The following SORCS3 variants were observed in gnomAD, a reference collection of about 807,000 sequenced individuals.
SORCS3 encodes sortilin related VPS10 domain containing receptor 3.
Under a neutral mutation model 146.3 loss-of-function variants are expected in SORCS3, and 57 were observed. The observed-to-expected ratio is 0.39, with a 90% CI of 0.31 to 0.49. SORCS3 has a LOEUF of 0.49. SORCS3 is among the 20% of genes least tolerant of loss of function. SORCS3 has a pLI of 0.92. For missense variants in SORCS3, 1,341 were observed against 1,575.5 expected (o/e 0.85, Z 2.52); for synonymous variants, 653 against 618.5 (o/e 1.06, Z -0.83).
At chr10:104,731,233 C>T (rs185579688) in intron 1 of SORCS3, among the ~76,000 whole-genome samples, 28 of 152,320 alleles carry the variant, frequency 1.8e-4, no homozygotes, top group Non-Finnish European at 3.5e-4. Context: ...ACCCTCCATT[C>T]ATTCACATAT....
chr10:104,650,596 G>C lies in SORCS3; in HGVS notation c.627+8642G>C, dbSNP rs971169675. ...TCAGCTGGAAGTGATGCTTAGGCTA[G>C]GTTCTCCCATTGCTTCTGTATTTCC... On this transcript the variant is annotated intron_variant, in intron 1 of 26. Coordinates refer to ENST00000369701, the MANE Select transcript of SORCS3 (RefSeq NM_014978.3). Among the ~76,000 whole-genome samples the C allele has an allele frequency of 1.7e-4, 26 of 152,340 alleles. 1 individual carries two copies. The highest frequency in any genetic ancestry group is 3.4e-3 in the Middle Eastern group (1 of 292).
intron 5 of SORCS3, among the ~76,000 whole-genome samples, chr10:105,046,900 C>T (rs1418873): frequency 0.12 from 18,536 of 152,092 alleles, 1,520 homozygotes; most frequent in Middle Eastern, 0.19. Flanking sequence ...ACTTTTTTAA[C>T]CTCAGCTGCT....
At chr10:105,098,778 A>T (rs1458516451) in intron 6 of SORCS3, among the ~76,000 whole-genome samples, 1 of 152,250 alleles carries the variant, frequency 6.6e-6, no homozygotes, top group Non-Finnish European at 1.5e-5. Context: ...TGTCATTGTC[A>T]TCATGATCTT....
intron 7 of SORCS3, among the ~76,000 whole-genome samples, chr10:105,122,923 C>T (rs1303000960): frequency 5.3e-5 from 8 of 152,132 alleles, no homozygotes; most frequent in Non-Finnish European, 5.9e-5. Flanking sequence ...AGGGAGTTGG[C>T]GTTCCTGGGT....
At position 104,857,436 on chromosome 10, in the gene SORCS3, T is replaced by C. The variant is rs150156373; in HGVS notation, c.695+14577T>C. 4.1e-3 allele frequency among the ~76,000 whole-genome samples: 630 copies of C among 152,272 alleles called. 5 individuals carry two copies. Among genetic ancestry groups the C allele is most frequent in the African/African-American group, 0.013 (526 of 41,536 alleles). On this transcript the variant is annotated intron_variant, in intron 2 of 26. Transcript: ENST00000369701. ...AAGCAAGGAGGAATAGTTTGCACAA[T>C]GTTATGATGTTCTTATTGCTTTTTC...
chr10:104,762,694 G>A (rs1019841871), intron 1 of SORCS3, among the ~76,000 whole-genome samples: 4 of 152,286 alleles, frequency 2.6e-5, no homozygotes, highest in Middle Eastern at 6.8e-3. Context: ...TTCGAGAGAT[G>A]TGATGGTTTT....
intron 3 of SORCS3, among the ~76,000 whole-genome samples, chr10:104,964,453 A>T (rs1479199193): frequency 6.6e-6 from 1 of 152,140 alleles, no homozygotes; most frequent in Admixed American, 6.6e-5. Flanking sequence ...GATATGCCAC[A>T]TGTTTTACTT....
intron 1 of SORCS3, among the ~76,000 whole-genome samples, chr10:104,810,786 T>C (rs536493674): frequency 7.2e-4 from 110 of 152,368 alleles, no homozygotes; most frequent in Middle Eastern, 3.4e-3. Flanking sequence ...CCTTGAGAAC[T>C]ATCTGGGTGG....
chr10:104,682,228 T>C (rs916047388), intron 1 of SORCS3, among the ~76,000 whole-genome samples: 5 of 152,228 alleles, frequency 3.3e-5, no homozygotes, highest in Non-Finnish European at 7.3e-5. Flanking sequence ...TTGGAAAAAA[T>C]CTTCATGCTA....
chr10:104,872,566 AT>A (rs35376112), intron 2 of SORCS3, among the ~76,000 whole-genome samples: 12,912 of 142,898 alleles, frequency 0.09, 726 homozygotes, highest in South Asian at 0.26. Context: ...CCTCATTTTG[AT>A]TTTTTTTTTT....
chr10:105,105,403 A>G lies in SORCS3; in HGVS notation c.1100A>G (p.His367Arg), dbSNP rs2133753186. Residue 367 changes from histidine (H) to arginine (R), a missense_variant, in exon 7 of 27, where the codon CAC (histidine) becomes CGC (arginine). By Grantham distance (29) the His-to-Arg change is conservative (BLOSUM62 0). Coordinates refer to ENST00000369701, the MANE Select transcript of SORCS3 (RefSeq NM_014978.3). ...MEVRTTDGYA[H>R]YLTCRIQECA... is the part of the protein sequence containing the mutation. Reference sequence around the variant, plus strand: ...CTCTACCCTCCTGTTTCAGATGCTCACTACCTCACCTGCAGGATCCAGGAA... The same window carrying G: ...CTCTACCCTCCTGTTTCAGATGCTCGCTACCTCACCTGCAGGATCCAGGAA... 3.0e-5 allele frequency: 49 copies of G among 1,612,228 alleles called. No individual in the cohort carries two copies. Among genetic ancestry groups the G allele is most frequent in the Middle Eastern group, 1.7e-4 (1 of 6,052 alleles).
intron 2 of SORCS3, among the ~76,000 whole-genome samples, chr10:104,907,670 C>T (rs571872311): frequency 9.9e-5 from 15 of 152,244 alleles, no homozygotes; most frequent in African/African-American, 2.6e-4. Flanking sequence ...GAAATAGAGA[C>T]GAATTAATTA....
At chr10:105,100,882 T>C (rs1488179267) in intron 6 of SORCS3, among the ~76,000 whole-genome samples, 3 of 152,238 alleles carry the variant, frequency 2.0e-5, no homozygotes, top group Non-Finnish European at 4.4e-5. Flanking sequence ...CATAATCTTG[T>C]TTAATCCTGA....
At chr10:104,880,626 A>T (rs199643884) in intron 2 of SORCS3, among the ~76,000 whole-genome samples, 33 of 151,666 alleles carry the variant, frequency 2.2e-4, no homozygotes, top group Non-Finnish European at 4.4e-4. Context: ...GTAGGTTGCT[A>T]CTTCTGCCAA....
chr10:105,145,140 G>T (rs539195119), intron 8 of SORCS3, among the ~76,000 whole-genome samples: 170 of 152,146 alleles, frequency 1.1e-3, no homozygotes, highest in Non-Finnish European at 2.1e-3. Context: ...GCACAAGTCT[G>T]CATGCTATTA....
chr10:104,673,417 T>C (rs2015878919), intron 1 of SORCS3, among the ~76,000 whole-genome samples: 1 of 145,278 alleles, frequency 6.9e-6, no homozygotes. Flanking sequence ...ATTTCTTATT[T>C]CCGTGTGTGT....
intron 4 of SORCS3, among the ~76,000 whole-genome samples, chr10:104,991,559 T>G (rs1306198947): frequency 2.6e-5 from 4 of 151,080 alleles, no homozygotes; most frequent in Non-Finnish European, 5.9e-5. Flanking sequence ...TGGAGTGCAG[T>G]GGTGCGATCT....
chr10:104,920,543 T>G (rs1233428186), intron 3 of SORCS3, among the ~76,000 whole-genome samples: 1 of 152,192 alleles, frequency 6.6e-6, no homozygotes. Flanking sequence ...ACTTTGAAAG[T>G]AGGCAGGGTA....
intron 4 of SORCS3, among the ~76,000 whole-genome samples, chr10:105,028,749 T>C (rs2055246260): frequency 6.6e-6 from 1 of 152,200 alleles, no homozygotes; most frequent in South Asian, 2.1e-4. Flanking sequence ...ACCTGACACA[T>C]AATAAGTATT....
Sources: allele counts gnomAD v4.1 joint callset (sites outside exome capture counted in the v4.1 genomes callset), GRCh38; gene constraint gnomAD v4.1.1; transcripts MANE v1.5; gene names NCBI Gene and HGNC (gene_info 2026-07-23, HGNC 2026-07-21).